TMEM39A: variants seen among roughly 807,000 people sequenced by gnomAD.
TMEM39A encodes transmembrane protein 39A.
Under a neutral mutation model 51.9 loss-of-function variants are expected in TMEM39A, and 19 were observed. The observed-to-expected ratio is 0.37, with a 90% confidence interval of 0.26 to 0.54. The LOEUF (loss-of-function observed/expected upper bound fraction) is 0.54, where lower values mean the gene tolerates loss of function less well. TMEM39A is among the 20% of genes least tolerant of loss of function. The probability of loss-of-function intolerance (pLI) is 0.88; values close to 1 mark genes in which losing one functional copy is unlikely to be tolerated. For synonymous variants in TMEM39A, 197 were observed against 220.2 expected (o/e 0.89, Z 0.93); for missense variants, 433 against 590.5 (o/e 0.73, Z 2.76).
In TMEM39A at chr3:119,432,123, G is replaced by A. The variant is rs1206355275; in HGVS notation, c.1325C>T (p.Ser442Leu). 2 of 1,613,192 alleles carry A rather than the reference G, an allele frequency of 1.2e-6. No individual in the cohort carries two copies. Among genetic ancestry groups the A allele is most frequent in the Non-Finnish European group, 1.7e-6 (2 of 1,179,492 alleles). ...VFYQLYSLLR[S>L]EKWNHTLSMA... ...GGAAAGTGTGTGGTTCCACTTCTCC[G>A]ACCGCAGCAAGGAATAGAGCTGATA... The change falls in exon 9 of 9, where the codon TCG becomes TTG. Residue 442 changes from serine to leucine, a missense_variant. This residue lies in a region of TMEM39A where 223 missense variants were observed against 328.1 expected (regional missense o/e 0.68). Coordinates refer to ENST00000319172, the MANE Select transcript of TMEM39A (RefSeq NM_018266.3).
chr3:119,437,064 A>C, intron 6 of TMEM39A, 86 bp from the exon 7 acceptor site: 1 of 1,277,626 alleles, frequency 7.8e-7, no homozygotes, highest in African/African-American at 1.5e-5. Flanking sequence ...CCCTGCAGAC[A>C]AATGCCACAC....
intron 5 of TMEM39A, among the ~76,000 whole-genome samples, chr3:119,442,195 T>C (rs2081063225): frequency 6.6e-6 from 1 of 151,832 alleles, no homozygotes; most frequent in East Asian, 1.9e-4. Flanking sequence ...CCAAAGAAAT[T>C]AGCCAGGCAT....
chr3:119,432,316 C>A, intron 8 of TMEM39A, 102 bp from the exon 9 acceptor site: 1 of 752,968 alleles, frequency 1.3e-6, no homozygotes, highest in South Asian at 2.0e-5. Context: ...TTTACAGGTT[C>A]CCATATATAA....
chr3:119,444,984 G>A (rs1307611146), intron 5 of TMEM39A, among the ~76,000 whole-genome samples: 1 of 152,124 alleles, frequency 6.6e-6, no homozygotes, highest in African/African-American at 2.4e-5. Flanking sequence ...GGAGGCTGAG[G>A]TGGGAGAATT....
At position 119,461,256 on chromosome 3, in the gene TMEM39A, A is replaced by G. The variant is rs116791158; in HGVS notation, c.113+706T>C. 5.0e-3 allele frequency among the ~76,000 whole-genome samples: 768 copies of G among 152,306 alleles called. 4 individuals carry two copies. The highest frequency in any genetic ancestry group is 0.017 in the African/African-American group (712 of 41,566). Reference sequence around the variant, plus strand: ...CACTGAAATGATGAGATCAGAACTAATTTTAAAGATTGGGTGGAAGAGGGA... The same window carrying G: ...CACTGAAATGATGAGATCAGAACTAGTTTTAAAGATTGGGTGGAAGAGGGA... On this transcript the variant is annotated intron_variant, in intron 2 of 8. Coordinates refer to ENST00000319172, the MANE Select transcript of TMEM39A (RefSeq NM_018266.3).
At chr3:119,461,838 G>A (rs2081343333) in intron 2 of TMEM39A, 124 bp downstream of exon 2, 1 of 769,080 alleles carries the variant, frequency 1.3e-6, no homozygotes, top group Non-Finnish European at 1.9e-6. Context: ...TGAAGGGCAG[G>A]ATTTCTACCA....
chr3:119,452,119 A>G (rs996281100), intron 4 of TMEM39A, among the ~76,000 whole-genome samples: 4 of 152,210 alleles, frequency 2.6e-5, no homozygotes, highest in Non-Finnish European at 5.9e-5. Flanking sequence ...GTGCAATTGT[A>G]TGTGTACAGA....
intron 5 of TMEM39A, among the ~76,000 whole-genome samples, chr3:119,446,043 A>T (rs760636169): frequency 1.2e-4 from 19 of 152,216 alleles, no homozygotes; most frequent in Non-Finnish European, 2.4e-4. Flanking sequence ...ATACACATAC[A>T]TACAATAAAG....
chr3:119,437,954 G>A lies in TMEM39A; in HGVS notation c.725C>T (p.Ser242Phe). ...TTCTTTTAGCGACTCCAGCAACAAG[G>A]AGAGAAAGTCTTTGGATTTGGCCAA... ...GGLAKSKDFL[S>F]LLLESLKEQF... The change falls in exon 6 of 9, where the codon TCC becomes TTC. Residue 242 changes from serine to phenylalanine, a missense_variant. Physicochemically the swap from Ser to Phe is radical, Grantham distance 155. Around this residue, in one of 3 missense-constraint regions of TMEM39A, gnomAD observed 223 missense variants for 328.1 expected, o/e 0.68. Transcript: ENST00000319172. 1 of 1,614,166 alleles carries A rather than the reference G, an allele frequency of 6.2e-7. No individual in the cohort carries two copies. The highest frequency in any genetic ancestry group is 8.5e-7 in the Non-Finnish European group (1 of 1,180,012).
rs117695219 is a variant in TMEM39A at position 119,448,342 on chromosome 3, C to G, written c.421-1170G>C. On this transcript the variant is annotated intron_variant, in intron 4 of 8. Transcript: ENST00000319172. ...GGGGAAAATGGAAGATCCCCATAAC[C>G]TCTAAGAGAGCAGTGATGGAACCCA... 1.4e-4 allele frequency among the ~76,000 whole-genome samples: 22 copies of G among 152,218 alleles called. No individual in the cohort carries two copies. In the East Asian group the frequency reaches 4.3e-3, roughly 29 times the overall value.
At chr3:119,462,889 A>C (rs1189423014) in intron 1 of TMEM39A, among the ~76,000 whole-genome samples, 1 of 90,478 alleles carries the variant, frequency 1.1e-5, no homozygotes, top group Non-Finnish European at 2.0e-5. Context: ...AAAGATCCTC[A>C]CTGGAAAAAA....
chr3:119,435,407 C>A (rs2080954832), intron 7 of TMEM39A: 5 of 984,896 alleles, frequency 5.1e-6, no homozygotes, highest in Non-Finnish European at 6.0e-6. Context: ...AGAAGATATA[C>A]AGTAGAACAC....
chr3:119,461,861 T>C, intron 2 of TMEM39A, 101 bp downstream of exon 2: 1 of 949,014 alleles, frequency 1.1e-6, no homozygotes, highest in Admixed American at 2.9e-5. Flanking sequence ...GTGTCAAGAA[T>C]AAATCTCAAT....
intron 3 of TMEM39A, among the ~76,000 whole-genome samples, chr3:119,455,145 GA>G (rs2081248594): frequency 6.6e-6 from 1 of 152,162 alleles, no homozygotes; most frequent in Non-Finnish European, 1.5e-5. Context: ...CATAATAGAA[GA>G]AAACTTAAAA....
chr3:119,459,223 A>C (rs1015105056), intron 2 of TMEM39A, among the ~76,000 whole-genome samples: 6 of 152,348 alleles, frequency 3.9e-5, no homozygotes, highest in African/African-American at 1.4e-4. Flanking sequence ...AAATAACTAG[A>C]GTGGCTCACT....
rs771581555 is a variant in TMEM39A, at chr3:119,432,023, T to C, written c.1425A>G (p.Ala475=). Residue 475 remains alanine, a synonymous_variant, in exon 9 of 9, where the codon GCA becomes GCG. Transcript: ENST00000319172. ...CATAACTGTTGAGTGGGTAGGAGTA[T>C]GCCCTGCCTAATACTATTCTGTCCC... ...LLRDRIVLGR[A]YSYPLNSYEL... The C allele has an allele frequency of 8.7e-6, 14 of 1,612,976 alleles. No homozygotes were observed. The South Asian group carries it at 1.5e-4, about 18-fold the overall frequency.
intron 5 of TMEM39A, among the ~76,000 whole-genome samples, chr3:119,441,572 G>C: frequency 6.6e-6 from 1 of 152,216 alleles, no homozygotes; most frequent in East Asian, 1.9e-4. Context: ...ACAGCGGTTA[G>C]TTCGTGAGGT....
chr3:119,458,111 G>A lies in TMEM39A; in HGVS notation c.243C>T (p.Ile81=). 6.2e-7 allele frequency: 1 copy of A among 1,614,058 alleles called. No individual in the cohort carries two copies. Among genetic ancestry groups the A allele is most frequent in the Non-Finnish European group, 8.5e-7 (1 of 1,179,996 alleles). The change falls in exon 3 of 9, where the codon ATC becomes ATT. Residue 81 remains isoleucine (I), a synonymous_variant. Transcript: ENST00000319172. The part of the protein sequence containing the change: ...GSLLFEFLFF[I]YLLVALFIQY... ...GAATGAAAAGAGCAACCAACAGGTAGATGAAAAAAAGGAATTCAAAGAGTA... is the reference window on the plus strand; with the variant it reads ...GAATGAAAAGAGCAACCAACAGGTAAATGAAAAAAAGGAATTCAAAGAGTA...
At chr3:119,449,496 C>T (rs1173298593) in intron 4 of TMEM39A, among the ~76,000 whole-genome samples, 1 of 151,428 alleles carries the variant, frequency 6.6e-6, no homozygotes, top group African/African-American at 2.4e-5. Flanking sequence ...ATCGCTTGAA[C>T]CAAGGAGTAA....
Sources: allele counts gnomAD v4.1 joint callset (sites outside exome capture counted in the v4.1 genomes callset), GRCh38; gene constraint gnomAD v4.1.1; regional missense constraint gnomAD v4.1.1; transcripts MANE v1.5; gene names NCBI Gene and HGNC (gene_info 2026-07-23, HGNC 2026-07-21).